SPAG17: variants seen among roughly 807,000 people sequenced by gnomAD.
SPAG17 encodes sperm-associated antigen 17.
SPAG17 carries 169 observed loss-of-function variants against 273.6 expected under a neutral mutation model. The ratio of observed to expected loss-of-function variants is 0.62; its 90% CI spans 0.55 to 0.70. The LOEUF is 0.70. Ranked by LOEUF, SPAG17 falls within the 30% of genes least tolerant of loss-of-function variation. The pLI is 0.00. For synonymous variants in SPAG17, 825 were observed against 873.2 expected (o/e 0.94, Z 0.97); for missense variants, 2,557 against 2,627.8 (o/e 0.97, Z 0.59).
intron 28 of SPAG17, among the ~76,000 whole-genome samples, chr1:118,021,164 T>G (rs1660460201): frequency 6.6e-6 from 1 of 152,198 alleles, no homozygotes; most frequent in African/African-American, 2.4e-5. Context: ...ATATTATCTA[T>G]AATATTTCAT....
chr1:118,048,167 T>G (rs1248413751), intron 20 of SPAG17, among the ~76,000 whole-genome samples: 2 of 152,072 alleles, frequency 1.3e-5, no homozygotes, highest in Admixed American at 6.5e-5. Flanking sequence ...TCCATGCCCA[T>G]CCTTGTGGAC....
At chr1:118,009,947 T>G (rs566277732) in intron 30 of SPAG17, among the ~76,000 whole-genome samples, 63 of 152,062 alleles carry the variant, frequency 4.1e-4, no homozygotes, top group African/African-American at 1.5e-3. Flanking sequence ...TTTGCAACAA[T>G]ATGGATAAAC....
chr1:118,085,259 G>A (rs552944998), intron 13 of SPAG17, among the ~76,000 whole-genome samples: 1 of 152,208 alleles, frequency 6.6e-6, no homozygotes, highest in Non-Finnish European at 1.5e-5. Context: ...AGAGACAGAA[G>A]AAAAATTCTT....
Position 117,953,976 on chromosome 1 carries a change from G to A in SPAG17, c.*74C>T. On this transcript the variant is annotated 3_prime_UTR_variant, in exon 49 of 49. Transcript: ENST00000336338. Reference sequence around the variant, plus strand: ...GTCCTGGGATGATGGAGTATGTTGTGATGACTTCTTTCCTTTCTCATCCTC... The same window carrying A: ...GTCCTGGGATGATGGAGTATGTTGTAATGACTTCTTTCCTTTCTCATCCTC... 6.3e-7 allele frequency: 1 copy of A among 1,576,214 alleles called. No individual in the cohort carries two copies. Among genetic ancestry groups the A allele is most frequent in the Non-Finnish European group, 8.7e-7 (1 of 1,155,056 alleles).
rs752353738 is a variant in SPAG17 at position 117,996,387 on chromosome 1, G to C, written c.5036C>G (p.Pro1679Arg). The C allele has an allele frequency of 6.2e-7, 1 of 1,612,352 alleles. No individual in the cohort carries two copies. The highest frequency in any genetic ancestry group is 1.1e-5 in the South Asian group (1 of 90,910). Residue 1679 changes from proline to arginine, a missense_variant, in exon 34 of 49, where the codon CCA becomes CGA. Transcript: ENST00000336338. ...KESNTVVLQEPVQEQPGTLTI... is the reference protein window; with the variant it reads ...KESNTVVLQERVQEQPGTLTI... ...TCCTCTACCTGGCTGTTCCTGCACT[G>C]GCTCTTGGAGAACAACAGTATTTGA...
chr1:118,026,833 AC>A (rs935276041), intron 26 of SPAG17, among the ~76,000 whole-genome samples: 51 of 152,324 alleles, frequency 3.3e-4, no homozygotes, highest in African/African-American at 1.2e-3. Flanking sequence ...CTCTTATGCT[AC>A]GATAACTGTC....
chr1:118,161,053 AT>A (rs1337738940), intron 1 of SPAG17, among the ~76,000 whole-genome samples: 1 of 152,268 alleles, frequency 6.6e-6, no homozygotes, highest in Non-Finnish European at 1.5e-5. Context: ...CTCAACAAGC[AT>A]TTATTACATT....
chr1:117,975,905 A>G (rs949073240), intron 43 of SPAG17, among the ~76,000 whole-genome samples: 1 of 152,224 alleles, frequency 6.6e-6, no homozygotes, highest in Non-Finnish European at 1.5e-5. Context: ...TATTATTATT[A>G]ATAGTAAATA....
At position 118,182,719 on chromosome 1, in the gene SPAG17, T is replaced by G. The variant is rs17037969; in HGVS notation, c.87+2352A>C. ...TATCAGATTTACTTGGTGCACATAT[T>G]AGTCTCCCTACTTAAAATAATCATG... is the stretch of plus-strand genomic sequence containing the variant. On this transcript the variant is annotated intron_variant, in intron 1 of 48. Coordinates refer to ENST00000336338, the MANE Select transcript of SPAG17 (RefSeq NM_206996.4). 2.5e-3 allele frequency among the ~76,000 whole-genome samples: 378 copies of G among 152,302 alleles called. 9 individuals are homozygous for G. In the East Asian group the frequency reaches 0.058, roughly 24 times the overall value.
At chr1:118,016,493 C>T (rs958502810) in intron 28 of SPAG17, among the ~76,000 whole-genome samples, 3 of 152,164 alleles carry the variant, frequency 2.0e-5, no homozygotes, top group African/African-American at 7.2e-5. Context: ...GTCTTGCATA[C>T]TTCTCTCTGG....
At chr1:118,086,158 T>G (rs1254214323) in intron 12 of SPAG17, 86 bp from the exon 13 acceptor site, 3 of 1,209,292 alleles carry the variant, frequency 2.5e-6, no homozygotes, top group Non-Finnish European at 3.5e-6. Context: ...ACATGATACC[T>G]TCACCCTCAT....
chr1:118,014,440 G>A (rs935919843), intron 29 of SPAG17, among the ~76,000 whole-genome samples: 2 of 152,092 alleles, frequency 1.3e-5, no homozygotes, highest in African/African-American at 4.8e-5. Context: ...ATCTACCTCA[G>A]GGGCCGAATT....
intron 48 of SPAG17, chr1:117,960,538 T>C (rs1652932552): frequency 6.6e-6 from 1 of 152,266 alleles, no homozygotes; most frequent in Non-Finnish European, 1.5e-5. Context: ...TTTCTTGTAA[T>C]GTCATGACTT....
At chr1:118,055,196 A>T (rs901054316) in intron 19 of SPAG17, among the ~76,000 whole-genome samples, 4 of 152,076 alleles carry the variant, frequency 2.6e-5, no homozygotes, top group African/African-American at 9.7e-5. Context: ...CAACAAAGGT[A>T]TATATATTGA....
chr1:118,073,996 C>T, intron 16 of SPAG17, 29 bp from the exon 17 acceptor site: 1 of 1,495,936 alleles, frequency 6.7e-7, no homozygotes, highest in South Asian at 1.3e-5. Context: ...ACAATTTCAG[C>T]TTTAATTTGT....
intron 3 of SPAG17, among the ~76,000 whole-genome samples, chr1:118,128,416 C>T (rs1657864989): frequency 6.6e-6 from 1 of 152,224 alleles, no homozygotes; most frequent in African/African-American, 2.4e-5. Flanking sequence ...ATTGCTCTGG[C>T]TAGGACTTCC....
intron 24 of SPAG17, among the ~76,000 whole-genome samples, chr1:118,033,047 T>C (rs1052613368): frequency 2.0e-5 from 3 of 152,196 alleles, no homozygotes; most frequent in African/African-American, 4.8e-5. Context: ...GCATTTATAT[T>C]TGTGAAACCC....
chr1:118,179,614 C>CT (rs1660849356), intron 1 of SPAG17, among the ~76,000 whole-genome samples: 1 of 151,848 alleles, frequency 6.6e-6, no homozygotes, highest in Non-Finnish European at 1.5e-5. Flanking sequence ...AGTTAAAAAG[C>CT]TCTGCACAGC....
chr1:117,958,989 G>A, intron 48 of SPAG17: 1 of 1,613,906 alleles, frequency 6.2e-7, no homozygotes, highest in Non-Finnish European at 8.5e-7. Flanking sequence ...TATTTCAAAA[G>A]TCAGCCAAGT....
Sources: gnomAD v4.1 joint callset for allele counts (sites outside exome capture counted in the v4.1 genomes callset) on GRCh38, gnomAD v4.1.1 for gene constraint, MANE v1.5 for transcripts, NCBI Gene and HGNC (gene_info 2026-07-23, HGNC 2026-07-21) for gene names.